Variants in BANP observed in about 807,000 individuals in gnomAD.
BANP encodes the protein BTG3 associated nuclear protein, also known as protein BANP.
Under a neutral mutation model 68.1 loss-of-function variants are expected in BANP, and 11 were observed. The ratio of observed to expected loss-of-function variants is 0.16; its 90% CI spans 0.10 to 0.27. The LOEUF is 0.27. Ranked by LOEUF, BANP falls within the 10% of genes least tolerant of loss-of-function variation. The pLI, the probability that BANP is intolerant of heterozygous loss-of-function variation, is 1.00. For synonymous variants in BANP, 329 were observed against 303.2 expected (o/e 1.09, Z -0.88); for missense variants, 504 against 722.7 (o/e 0.70, Z 3.47).
intron 9 of BANP, among the ~76,000 whole-genome samples, chr16:88,034,269 C>T (rs924313409): frequency 6.6e-6 from 1 of 152,214 alleles, no homozygotes; most frequent in African/African-American, 2.4e-5. Context: ...CAGTTCCTCT[C>T]ATCTTGTTAG....
chr16:87,992,839 GT>G (rs1224210251), intron 4 of BANP, among the ~76,000 whole-genome samples: 1 of 151,640 alleles, frequency 6.6e-6, no homozygotes, highest in African/African-American at 2.4e-5. Flanking sequence ...AGTTAGTGTT[GT>G]TTGTGTCTCT....
At chr16:87,981,186 T>G in intron 3 of BANP, 59 bp downstream of exon 3, 2 of 1,255,734 alleles carry the variant, frequency 1.6e-6, no homozygotes, top group Non-Finnish European at 2.3e-6. Flanking sequence ...AGGGCTGCTA[T>G]AACAAATCAC....
intron 8 of BANP, among the ~76,000 whole-genome samples, chr16:88,028,400 C>G (rs1270805260): frequency 6.6e-6 from 1 of 152,184 alleles, no homozygotes; most frequent in African/African-American, 2.4e-5. Context: ...CAGACCAGAT[C>G]ACCTGGAGTT....
chr16:88,046,708 C>T (rs867302429), intron 11 of BANP, among the ~76,000 whole-genome samples: 7 of 151,948 alleles, frequency 4.6e-5, no homozygotes, highest in East Asian at 3.9e-4. Context: ...CCACCGCACC[C>T]GGCTAATTTT....
intron 9 of BANP, among the ~76,000 whole-genome samples, chr16:88,034,718 T>A (rs1416773840): frequency 6.6e-6 from 1 of 152,204 alleles, no homozygotes; most frequent in African/African-American, 2.4e-5. Context: ...ATTTTAAAAT[T>A]TACTTGTTTA....
intron 4 of BANP, among the ~76,000 whole-genome samples, chr16:87,992,031 C>T (rs2065994138): frequency 6.6e-6 from 1 of 152,144 alleles, no homozygotes; most frequent in South Asian, 2.1e-4. Context: ...GAAGAAGTTT[C>T]CTTCTATTCT....
At chr16:88,019,418 G>A (rs1472010993) in intron 7 of BANP, among the ~76,000 whole-genome samples, 2 of 152,032 alleles carry the variant, frequency 1.3e-5, no homozygotes, top group African/African-American at 2.4e-5. Context: ...GTGTGGGAGG[G>A]TGCAGTGGCC....
In BANP at chr16:88,076,657, A is replaced by G; in HGVS notation, c.1589A>G (p.Gln530Arg). Residue 530 changes from glutamine (Q) to arginine (R), a missense_variant, in exon 14 of 14, where the codon CAG becomes CGG. Transcript: ENST00000682872. ...MQLEHGAIQI[Q>R] ...CTCGAGCACGGGGCCATCCAGATTC[A>G]GTGAGCGGTGCCCATGGCACCAGGA... The G allele has an allele frequency of 6.2e-7, 1 of 1,608,082 alleles. No individual in the cohort carries two copies. The highest frequency in any genetic ancestry group is 8.5e-7 in the Non-Finnish European group (1 of 1,179,472).
chr16:87,962,245 A>AAAAAAAAAAAAC, intron 1 of BANP, among the ~76,000 whole-genome samples: 1 of 149,998 alleles, frequency 6.7e-6, no homozygotes, highest in Non-Finnish European at 1.5e-5. Context: ...GTCTCAAAAA[A>AAAAAAAAAAAAC]AAAAAAAAAA....
intron 4 of BANP, among the ~76,000 whole-genome samples, chr16:87,997,442 C>T (rs760276208): frequency 2.6e-5 from 4 of 152,254 alleles, no homozygotes; most frequent in Non-Finnish European, 4.4e-5. Flanking sequence ...AGACCTGGGA[C>T]AGATCCTGAT....
chr16:88,030,411 G>T (rs527763254), intron 8 of BANP, among the ~76,000 whole-genome samples: 17 of 152,370 alleles, frequency 1.1e-4, no homozygotes, highest in African/African-American at 3.6e-4. Flanking sequence ...AGAGTGAGGA[G>T]AGTTGTTGCC....
At chr16:88,073,170 G>C (rs4075998) in intron 13 of BANP, among the ~76,000 whole-genome samples, 1 of 152,114 alleles carries the variant, frequency 6.6e-6, no homozygotes, top group Non-Finnish European at 1.5e-5. Context: ...AAGTGGGCTC[G>C]GTAGAGCTCA....
intron 3 of BANP, 114 bp from the exon 4 acceptor site, chr16:87,983,946 G>C: frequency 2.1e-6 from 3 of 1,407,192 alleles, no homozygotes; most frequent in South Asian, 2.9e-5. Flanking sequence ...TGTGGGGATT[G>C]TTCTGTCTGA....
chr16:87,967,897 A>C (rs1399083212), intron 1 of BANP, among the ~76,000 whole-genome samples: 4 of 151,782 alleles, frequency 2.6e-5, no homozygotes, highest in Non-Finnish European at 5.9e-5. Flanking sequence ...CTGGGATTAC[A>C]GGTGTGAGCC....
At position 88,038,014 on chromosome 16, in the gene BANP, G is replaced by A. The variant is rs776387973; in HGVS notation, c.1311+3G>A. 1 of 1,613,804 alleles carries A rather than the reference G, an allele frequency of 6.2e-7. No homozygotes were observed. Among genetic ancestry groups the A allele is most frequent in the African/African-American group, 1.3e-5 (1 of 75,038 alleles). ...ATCACGTGGGGCAGGACGGTCAGGT[G>A]AGTGTCCCAGTCCCCATGCACATGC... On this transcript the variant is annotated splice_donor_region_variant and intron_variant, in intron 11 of 13. Coordinates refer to ENST00000682872, the MANE Select transcript of BANP (RefSeq NM_001386991.1).
chr16:87,950,385 T>C (rs2056697404), upstream of BANP: 1 of 152,008 alleles, frequency 6.6e-6, no homozygotes, highest in South Asian at 2.1e-4. Context: ...TTCCTGTGAT[T>C]ACCCACAAAC....
At position 88,035,358 on chromosome 16, in the gene BANP, G is replaced by T. The variant is rs369504092; in HGVS notation, c.1236G>T (p.Pro412=). ...PQGHLHIAQV[P]QGEQVQITQD... ...GACACCTCCACATCGCCCAGGTGCC[G>T]CAGGGGGAGCAAGTCCAGATCACGC... Residue 412 remains proline (P), a synonymous_variant, in exon 10 of 14, where the codon CCG becomes CCT. Transcript: ENST00000682872. 6.2e-7 allele frequency: 1 copy of T among 1,611,454 alleles called. No homozygotes were observed. The highest frequency in any genetic ancestry group is 8.5e-7 in the Non-Finnish European group (1 of 1,179,174).
intron 11 of BANP, among the ~76,000 whole-genome samples, chr16:88,044,970 C>T (rs563062409): frequency 9.2e-5 from 14 of 151,510 alleles, no homozygotes; most frequent in South Asian, 4.2e-4. Context: ...CAACAGAGCG[C>T]GACTCCGTCT....
At chr16:88,035,576 C>T (rs1227057599) in intron 10 of BANP, among the ~76,000 whole-genome samples, 182 bp downstream of exon 10, 1 of 152,230 alleles carries the variant, frequency 6.6e-6, no homozygotes, top group South Asian at 2.1e-4. Context: ...GGCCTCTCTG[C>T]CTCCCCCTCC....
Sources: gnomAD v4.1 joint callset for allele counts (sites outside exome capture counted in the v4.1 genomes callset) on GRCh38, gnomAD v4.1.1 for gene constraint, MANE v1.5 for transcripts, NCBI Gene and HGNC (gene_info 2026-07-23, HGNC 2026-07-21) for gene names.